The following CCNE2 variants were observed in gnomAD, a reference collection of about 807,000 sequenced individuals.
The protein encoded by CCNE2 is G1/S-specific cyclin-E2.
Under a neutral mutation model 56.8 loss-of-function variants are expected in CCNE2, and 18 were observed. That is an observed-to-expected ratio of 0.32 (90% CI 0.22 to 0.47). The LOEUF (loss-of-function observed/expected upper bound fraction) is 0.47. Ranked by LOEUF, CCNE2 falls within the 20% of genes least tolerant of loss-of-function variation. The probability of loss-of-function intolerance (pLI) is 1.00; values close to 1 mark genes in which losing one functional copy is unlikely to be tolerated. For missense variants in CCNE2, 371 were observed against 467.1 expected, an observed-to-expected ratio of 0.79 and a Z score of 1.90; for synonymous variants, 139 against 149.2, an observed-to-expected ratio of 0.93 and a Z score of 0.50.
chr8:94,883,146 C>T (rs766152252), intron 9 of CCNE2, among the ~76,000 whole-genome samples: 44 of 151,950 alleles, frequency 2.9e-4, no homozygotes, highest in Non-Finnish European at 5.3e-4. Context: ...CTTGGTGGCA[C>T]GCGCCTGTAG....
chr8:94,892,740 C>A, intron 5 of CCNE2, 78 bp downstream of exon 5: 1 of 766,418 alleles, frequency 1.3e-6, no homozygotes, highest in Non-Finnish European at 1.9e-6. Flanking sequence ...TTTATGAAAG[C>A]AAAAGACAAA....
Position 94,880,333 on chromosome 8 carries a change from G to C in CCNE2, c.*1299C>G, listed in dbSNP as rs1296397269. On this transcript the variant is annotated 3_prime_UTR_variant, in exon 12 of 12. Coordinates refer to ENST00000308108, the MANE Select transcript of CCNE2 (RefSeq NM_057749.3). ...TATAATACATATGTACACAATTAGTGGTGTTTTCTTTTCAGACAAAATACT... is the reference window on the plus strand; with the variant it reads ...TATAATACATATGTACACAATTAGTCGTGTTTTCTTTTCAGACAAAATACT... 3 of 603,832 alleles carry C rather than the reference G, an allele frequency of 5.0e-6. No individual in the cohort carries two copies. The Admixed American group carries it at 1.0e-4, about 20-fold the overall frequency. 37.4% of individuals were successfully genotyped at this position (603,832 alleles called of 1,614,324 possible).
chr8:94,893,956 AAAAGACCATTGGTAAACT>A lies in CCNE2; in HGVS notation c.112-30_112-13del. The A allele has an allele frequency of 6.2e-7, 1 of 1,613,962 alleles. No homozygotes were observed. Among genetic ancestry groups the A allele is most frequent in the Non-Finnish European group, 8.5e-7 (1 of 1,179,966 alleles). ...CTTTTTTTGACATCCTGGAAAATAG[AAAAGACCATTGGTAAACT>A]AAAGTCCCAGCATGGAATTTCGTTC... On this transcript the variant is annotated splice_polypyrimidine_tract_variant and intron_variant, in intron 3 of 11. Coordinates refer to ENST00000308108, the MANE Select transcript of CCNE2 (RefSeq NM_057749.3).
intron 5 of CCNE2, chr8:94,891,357 A>G (rs1237940927): frequency 4.0e-6 from 1 of 252,366 alleles, no homozygotes; most frequent in Non-Finnish European, 8.0e-6. Flanking sequence ...AAGGGTATGC[A>G]TATATGAAAA....
chr8:94,880,683 T>G lies in CCNE2; in HGVS notation c.*949A>C, dbSNP rs989579862. The G allele has an allele frequency of 1.3e-5, 5 of 394,302 alleles. No individual in the cohort carries two copies. The Admixed American group carries it at 1.3e-4, about 10-fold the overall frequency. The allele number at this position is 394,302 out of a possible 1,614,324, so 24.4% of individuals were successfully genotyped here. A position where few individuals can be genotyped will look rare whatever the true frequency, so the allele number is the denominator to read the frequency against. ...GTGTTAAGCTTTATCACTTTGACACTGTCCTTATCTCACAATGGAGGAATT... is the reference window on the plus strand; with the variant it reads ...GTGTTAAGCTTTATCACTTTGACACGGTCCTTATCTCACAATGGAGGAATT... On this transcript the variant is annotated 3_prime_UTR_variant, in exon 12 of 12. Coordinates refer to ENST00000308108, the MANE Select transcript of CCNE2 (RefSeq NM_057749.3).
Position 94,890,456 on chromosome 8 carries a change from C to CCAAGT in CCNE2, c.407_411dup (p.Glu138ThrfsTer6), listed in dbSNP as rs777536930. ...AGAAGTATGGACCTCATCTGTGGTT[C>CCAAGT]CAAGTCAGAATGCAGAACTTCAAAA... On this transcript the variant is annotated frameshift_variant, in exon 6 of 12. Coordinates refer to ENST00000308108, the MANE Select transcript of CCNE2 (RefSeq NM_057749.3). LOFTEE classifies it high-confidence loss of function. The CCAAGT allele has an allele frequency of 6.2e-7, 1 of 1,608,734 alleles. No homozygotes were observed. The highest frequency in any genetic ancestry group is 8.5e-7 in the Non-Finnish European group (1 of 1,177,370).
intron 9 of CCNE2, 199 bp downstream of exon 9, chr8:94,884,868 A>G (rs996840806): frequency 2.6e-5 from 12 of 458,242 alleles, no homozygotes; most frequent in Non-Finnish European, 3.5e-5. Flanking sequence ...AGTACTCAGA[A>G]AAGTGTAAGG....
chr8:94,885,375 T>G (rs1013912984), intron 8 of CCNE2, 88 bp downstream of exon 8: 25 of 1,066,984 alleles, frequency 2.3e-5, no homozygotes, highest in South Asian at 2.2e-4. Flanking sequence ...CTTTTTACAT[T>G]GTAGTATTTG....
intron 9 of CCNE2, chr8:94,883,975 G>A (rs940918843): frequency 6.7e-6 from 3 of 449,346 alleles, no homozygotes; most frequent in African/African-American, 6.0e-5. Context: ...AGTCCACATT[G>A]TTTATCGGCT....
chr8:94,891,717 A>G, intron 5 of CCNE2: 2 of 790,682 alleles, frequency 2.5e-6, no homozygotes, highest in Non-Finnish European at 4.3e-6. Context: ...CTTTACAGAA[A>G]CAGCATGTGC....
rs1816782968 is a variant in CCNE2, at chr8:94,880,858, G to T, written c.*774C>A. The T allele has an allele frequency of 7.5e-6, 3 of 398,640 alleles. No individual in the cohort carries two copies. The highest frequency in any genetic ancestry group is 1.3e-5 in the Non-Finnish European group (3 of 225,870). 24.7% of individuals were successfully genotyped at this position (398,640 alleles called of 1,614,324 possible). ...GGTACTTAAGTTTTTCACCCAAATTGTGATATACAAAAAGGTTATTACCAA... is the reference window on the plus strand; with the variant it reads ...GGTACTTAAGTTTTTCACCCAAATTTTGATATACAAAAAGGTTATTACCAA... On this transcript the variant is annotated 3_prime_UTR_variant, in exon 12 of 12. Coordinates refer to ENST00000308108, the MANE Select transcript of CCNE2 (RefSeq NM_057749.3).
rs955729166 is a variant in CCNE2, at chr8:94,893,958, A to T, written c.112-14T>A. 6.2e-6 allele frequency: 10 copies of T among 1,614,060 alleles called. No homozygotes were observed. Among genetic ancestry groups the T allele is most frequent in the Non-Finnish European group, 8.5e-6 (10 of 1,179,980 alleles). On this transcript the variant is annotated splice_polypyrimidine_tract_variant and intron_variant, in intron 3 of 11. Coordinates refer to ENST00000308108, the MANE Select transcript of CCNE2 (RefSeq NM_057749.3). Reference sequence around the variant, plus strand: ...TTTTTTGACATCCTGGAAAATAGAAAAGACCATTGGTAAACTAAAGTCCCA... The same window carrying T: ...TTTTTTGACATCCTGGAAAATAGAATAGACCATTGGTAAACTAAAGTCCCA...
intron 5 of CCNE2, chr8:94,892,047 C>A: frequency 1.4e-6 from 1 of 733,312 alleles, no homozygotes; most frequent in Non-Finnish European, 2.4e-6. Flanking sequence ...AGGCGGTTGC[C>A]CAGAAGAAAA....
At chr8:94,885,382 T>C (rs967559828) in intron 8 of CCNE2, 81 bp downstream of exon 8, 3 of 1,084,534 alleles carry the variant, frequency 2.8e-6, no homozygotes, top group Non-Finnish European at 4.1e-6. Context: ...CATTGTAGTA[T>C]TTGAGATTCA....
intron 10 of CCNE2, among the ~76,000 whole-genome samples, 168 bp downstream of exon 10, chr8:94,882,613 A>T (rs1217101261): frequency 2.0e-5 from 3 of 152,232 alleles, no homozygotes; most frequent in Admixed American, 6.5e-5. Context: ...TTTTGTTGAT[A>T]CACATTCAGG....
chr8:94,885,004 CTA>C, intron 9 of CCNE2, 61 bp downstream of exon 9: 2 of 1,456,906 alleles, frequency 1.4e-6, no homozygotes, highest in South Asian at 1.2e-5. Flanking sequence ...CTATTTAAGA[CTA>C]TATATACACT....
In CCNE2 at chr8:94,880,993, C is replaced by A; in HGVS notation, c.*639G>T. 1 of 398,670 alleles carries A rather than the reference C, an allele frequency of 2.5e-6. No homozygotes were observed. The highest frequency in any genetic ancestry group is 1.3e-4 in the South Asian group (1 of 7,842). The allele number at this position is 398,670 out of a possible 1,614,324, so 24.7% of individuals were successfully genotyped here. On this transcript the variant is annotated 3_prime_UTR_variant, in exon 12 of 12. Coordinates refer to ENST00000308108, the MANE Select transcript of CCNE2 (RefSeq NM_057749.3). Reference sequence around the variant, plus strand: ...TAGAGCACAGGTTGAACACCATGTTCATCTAAGCCTTATTAGTTAAAAAAT... The same window carrying A: ...TAGAGCACAGGTTGAACACCATGTTAATCTAAGCCTTATTAGTTAAAAAAT...
chr8:94,890,279 C>A (rs1483452923), intron 6 of CCNE2, 136 bp downstream of exon 6: 3 of 659,168 alleles, frequency 4.6e-6, no homozygotes, highest in Non-Finnish European at 7.1e-6. Flanking sequence ...GTGCAATCAA[C>A]TACAGTAAGT....
intron 5 of CCNE2, among the ~76,000 whole-genome samples, chr8:94,890,919 T>C (rs556978610): frequency 1.3e-5 from 2 of 152,200 alleles, no homozygotes; most frequent in Admixed American, 1.3e-4. Context: ...AATTGTGCAA[T>C]CCATGTAATA....
Sources: allele counts gnomAD v4.1 joint callset (sites outside exome capture counted in the v4.1 genomes callset), GRCh38; gene constraint gnomAD v4.1.1; transcripts MANE v1.5; gene names NCBI Gene and HGNC (gene_info 2026-07-23, HGNC 2026-07-21).